Variants in AK7 observed in about 807,000 individuals in gnomAD.
The protein encoded by AK7 is ATP-AMP transphosphorylase 7.
In AK7, 78 loss-of-function variants were observed where a neutral mutation model predicts 96.6. That is an observed-to-expected ratio of 0.81 (90% CI 0.67 to 0.97). The LOEUF is 0.97. Among genes scored for constraint, AK7 ranks in the 50% least tolerant of loss-of-function variants. AK7 has a pLI of 0.00. For synonymous variants in AK7, 302 were observed against 317.2 expected (o/e 0.95, Z 0.51); for missense variants, 855 against 887.9 (o/e 0.96, Z 0.47).
chr14:96,451,701 G>C, intron 10 of AK7, 131 bp downstream of exon 10: 1 of 988,650 alleles, frequency 1.0e-6, no homozygotes, highest in African/African-American at 1.7e-5. Context: ...TTTCAAATTT[G>C]ACAAATTTGT....
At position 96,420,901 on chromosome 14, in the gene AK7, C is replaced by G; in HGVS notation, c.578C>G (p.Ala193Gly). The change falls in exon 5 of 18, where the codon GCT (alanine) becomes GGT (glycine). Residue 193 changes from alanine (A) to glycine (G), a missense_variant. Coordinates refer to ENST00000267584, the MANE Select transcript of AK7 (RefSeq NM_152327.5). ...CCTAATTTTCTGGACCACATAAATG[C>G]TGAAAAAATGGTTCTCAAATTTGGA... ...SHPNFLDHIN[A>G]EKMVLKFGKK... 6.2e-7 allele frequency: 1 copy of G among 1,612,750 alleles called. No homozygotes were observed. Among genetic ancestry groups the G allele is most frequent in the Non-Finnish European group, 8.5e-7 (1 of 1,178,970 alleles).
At position 96,456,020 on chromosome 14, in the gene AK7, C is replaced by T. The variant is rs182618715; in HGVS notation, c.1099-327C>T. ...TTGGGAAGCTGAGGTGGGTAGATCA[C>T]TTGAGACCAGGAGTTTGAGACCAGC... On this transcript the variant is annotated intron_variant, in intron 10 of 17. Coordinates refer to ENST00000267584, the MANE Select transcript of AK7 (RefSeq NM_152327.5). Among the ~76,000 whole-genome samples, 519 of 152,160 alleles carry T rather than the reference C, an allele frequency of 3.4e-3. 1 individual carries two copies. Among genetic ancestry groups the T allele is most frequent in the African/African-American group, 0.012 (501 of 41,494 alleles).
At chr14:96,420,969 A>G (rs1891654747) in intron 5 of AK7, 37 bp downstream of exon 5, 2 of 1,403,160 alleles carry the variant, frequency 1.4e-6, no homozygotes, top group South Asian at 1.2e-5. Context: ...CATCATCTGA[A>G]GTCTTTAAAC....
chr14:96,475,492 G>A (rs1895124675), intron 14 of AK7, among the ~76,000 whole-genome samples: 1 of 152,180 alleles, frequency 6.6e-6, no homozygotes, highest in African/African-American at 2.4e-5. Flanking sequence ...GTCTCTAGTT[G>A]CCTGGGGCCT....
At chr14:96,484,263 C>T (rs1289271034) in intron 16 of AK7, among the ~76,000 whole-genome samples, 1 of 152,100 alleles carries the variant, frequency 6.6e-6, no homozygotes, top group African/African-American at 2.4e-5. Context: ...ACCACCATCA[C>T]CAAAAATGGC....
At chr14:96,469,896 C>T (rs770478730) in intron 12 of AK7, among the ~76,000 whole-genome samples, 30 of 152,114 alleles carry the variant, frequency 2.0e-4, no homozygotes, top group Non-Finnish European at 3.2e-4. Context: ...TGGCTCACTG[C>T]AACCTCCGCC....
At chr14:96,447,546 T>C (rs1893315597) in intron 8 of AK7, among the ~76,000 whole-genome samples, 1 of 152,074 alleles carries the variant, frequency 6.6e-6, no homozygotes, top group Non-Finnish European at 1.5e-5. Flanking sequence ...GGTCTGAAAC[T>C]CCTGAGCTCA....
intron 8 of AK7, among the ~76,000 whole-genome samples, chr14:96,448,935 A>G (rs1027141579): frequency 1.3e-5 from 2 of 152,048 alleles, no homozygotes; most frequent in Non-Finnish European, 2.9e-5. Flanking sequence ...CAGCCTGAGT[A>G]ACAGAGCAAG....
rs769559190 is a variant in AK7 at position 96,471,570 on chromosome 14, C to T, written c.1450C>T (p.Pro484Ser). ...RNQGYILDGFPKTYDQAKDLF... is the reference protein window; with the variant it reads ...RNQGYILDGFSKTYDQAKDLF... ...TCAAGGTTATATTTTGGATGGATTC[C>T]CAAAGACCTATGATCAAGCAAAAGA... The change falls in exon 13 of 18, where the codon CCA becomes TCA. Residue 484 changes from proline (P) to serine (S), a missense_variant. Transcript: ENST00000267584. The T allele has an allele frequency of 1.9e-6, 3 of 1,596,352 alleles. No homozygotes were observed. The highest frequency in any genetic ancestry group is 2.6e-6 in the Non-Finnish European group (3 of 1,173,134).
chr14:96,436,939 G>T (rs1023064789), intron 5 of AK7, among the ~76,000 whole-genome samples: 1 of 152,046 alleles, frequency 6.6e-6, no homozygotes, highest in East Asian at 1.9e-4. Context: ...TGGATTCAGG[G>T]TTAGGAAGCT....
chr14:96,400,559 C>T (rs1890351033), intron 2 of AK7, among the ~76,000 whole-genome samples: 1 of 152,238 alleles, frequency 6.6e-6, no homozygotes, highest in South Asian at 2.1e-4. Context: ...CCTGCCCCTT[C>T]CTGGGCTCTG....
At position 96,406,547 on chromosome 14, in the gene AK7, C is replaced by T. The variant is rs190247470; in HGVS notation, c.403+1682C>T. On this transcript the variant is annotated intron_variant, in intron 3 of 17. Coordinates refer to ENST00000267584, the MANE Select transcript of AK7 (RefSeq NM_152327.5). ...GTTTGTGTCTGCAAGAAAATATAGTCAGAGATCCTTCAATCTGTCACCAGA... is the reference window on the plus strand; with the variant it reads ...GTTTGTGTCTGCAAGAAAATATAGTTAGAGATCCTTCAATCTGTCACCAGA... Among the ~76,000 whole-genome samples the T allele has an allele frequency of 2.5e-3, 381 of 152,242 alleles. 2 individuals are homozygous for T. The highest frequency in any genetic ancestry group is 4.5e-3 in the Non-Finnish European group (308 of 68,020).
intron 4 of AK7, 148 bp from the exon 5 acceptor site, chr14:96,420,674 C>G: frequency 1.8e-6 from 1 of 566,612 alleles, no homozygotes; most frequent in Non-Finnish European, 3.0e-6. Context: ...GCCTGGGCAA[C>G]ACAGCGAGAC....
intron 12 of AK7, among the ~76,000 whole-genome samples, chr14:96,458,654 A>G (rs1234002654): frequency 2.0e-5 from 3 of 151,344 alleles, no homozygotes; most frequent in Non-Finnish European, 4.4e-5. Context: ...AGGCAGGACA[A>G]TTGCTTGAAC....
chr14:96,480,987 C>T (rs1240349479), intron 15 of AK7, among the ~76,000 whole-genome samples: 1 of 152,216 alleles, frequency 6.6e-6, no homozygotes, highest in Non-Finnish European at 1.5e-5. Context: ...CTGCTTCTCT[C>T]TCAGTGTCTC....
chr14:96,427,787 A>G (rs1892115091), intron 5 of AK7, among the ~76,000 whole-genome samples: 1 of 152,124 alleles, frequency 6.6e-6, no homozygotes, highest in Non-Finnish European at 1.5e-5. Flanking sequence ...TCTAGATCCT[A>G]TAGGCATGTT....
At chr14:96,475,916 C>T (rs965565089) in intron 14 of AK7, among the ~76,000 whole-genome samples, 18 of 150,468 alleles carry the variant, frequency 1.2e-4, no homozygotes, top group South Asian at 1.1e-3. Flanking sequence ...GAGGTCAAGG[C>T]GGTGGTGAGC....
intron 14 of AK7, among the ~76,000 whole-genome samples, chr14:96,478,187 C>T (rs752356889): frequency 2.1e-4 from 10 of 46,832 alleles, no homozygotes; most frequent in Admixed American, 6.0e-4. Context: ...AGAGGGAGGG[C>T]GGGGGAAGGG....
At chr14:96,418,168 AT>A (rs142385329) in intron 4 of AK7, among the ~76,000 whole-genome samples, 6 of 147,520 alleles carry the variant, frequency 4.1e-5, no homozygotes, top group African/African-American at 1.0e-4. Context: ...ACACAAAACA[AT>A]TTTTTTTTAT....
Sources: gnomAD v4.1 joint callset for allele counts (sites outside exome capture counted in the v4.1 genomes callset) on GRCh38, gnomAD v4.1.1 for gene constraint, MANE v1.5 for transcripts, NCBI Gene and HGNC (gene_info 2026-07-23, HGNC 2026-07-21) for gene names.